Variants in TRIP11 observed in about 807,000 individuals in gnomAD.
TRIP11 encodes the protein thyroid receptor-interacting protein 11.
Under a neutral mutation model 223.1 loss-of-function variants are expected in TRIP11, and 148 were observed. The ratio of observed to expected loss-of-function variants is 0.66; its 90% CI spans 0.58 to 0.76. The LOEUF (loss-of-function observed/expected upper bound fraction) is 0.76, where lower values mean the gene tolerates loss of function less well. Ranked by LOEUF, TRIP11 falls within the 30% of genes least tolerant of loss-of-function variation. The pLI is 0.00. For synonymous variants in TRIP11, 762 were observed against 772.6 expected (o/e 0.99, Z 0.23); for missense variants, 2,043 against 2,222.0 (o/e 0.92, Z 1.62).
intron 2 of TRIP11, 148 bp downstream of exon 2, chr14:92,033,044 G>A (rs1290949335): frequency 1.7e-5 from 11 of 644,172 alleles, no homozygotes; most frequent in Non-Finnish European, 3.0e-5. Context: ...ACAGAAGGTT[G>A]ATAAAAGCTC....
chr14:92,020,588 A>T (rs893144287), intron 4 of TRIP11, among the ~76,000 whole-genome samples: 8 of 151,934 alleles, frequency 5.3e-5, no homozygotes, highest in African/African-American at 1.9e-4. Flanking sequence ...ACACCAGAGG[A>T]GTCTCAGGGA....
intron 15 of TRIP11, among the ~76,000 whole-genome samples, chr14:91,989,038 CTA>C (rs1159091779): frequency 1.3e-5 from 2 of 152,180 alleles, no homozygotes; most frequent in African/African-American, 4.8e-5. Context: ...ATTTTAAATA[CTA>C]TATAGTCAAA....
chr14:92,025,542 C>T (rs1025639874), intron 2 of TRIP11, 122 bp from the exon 3 acceptor site: 4 of 697,260 alleles, frequency 5.7e-6, no homozygotes, highest in African/African-American at 3.8e-5. Context: ...TAAAAGGTCT[C>T]GGACAGAATT....
Position 92,004,518 on chromosome 14 carries a change from T to G in TRIP11, c.3458A>C (p.Asp1153Ala), listed in dbSNP as rs1267110060. 2 of 1,613,326 alleles carry G rather than the reference T, an allele frequency of 1.2e-6. No homozygotes were observed. Among genetic ancestry groups the G allele is most frequent in the East Asian group, 2.2e-5 (1 of 44,876 alleles). ...ATTCTGAATAGTTTCTCTAAACATA[T>G]CTTGGCCACTACTTTCAAATCTAGT... ...LSTRFESSGQ[D>A]MFRETIQNLS... is the part of the protein sequence containing the mutation. The change falls in exon 11 of 21, where the codon GAT becomes GCT. Residue 1153 changes from aspartate to alanine, a missense_variant. By Grantham distance (126) the Asp-to-Ala change is moderately radical. Transcript: ENST00000267622.
At chr14:92,014,121 T>C in intron 7 of TRIP11, 94 bp downstream of exon 7, 3 of 1,531,990 alleles carry the variant, frequency 2.0e-6, no homozygotes, top group Non-Finnish European at 2.7e-6. Flanking sequence ...ATATGCCATT[T>C]CCACTAAGTA....
chr14:92,005,214 T>C lies in TRIP11; in HGVS notation c.2762A>G (p.Asp921Gly). ...TAGTTGCATCTTACTCTGGTTTTGATCTTCAATTATCTTTTGATGATGTTT... is the reference window on the plus strand; with the variant it reads ...TAGTTGCATCTTACTCTGGTTTTGACCTTCAATTATCTTTTGATGATGTTT... ...EIKHHQKIIE[D>G]QNQSKMQLLQ... The change falls in exon 11 of 21, where the codon GAT becomes GGT. Residue 921 changes from aspartate to glycine, a missense_variant. Asp to Gly is a moderately conservative substitution (Grantham distance 94). Coordinates refer to ENST00000267622, the MANE Select transcript of TRIP11 (RefSeq NM_004239.4). 6.2e-7 allele frequency: 1 copy of C among 1,614,192 alleles called. No individual in the cohort carries two copies. The highest frequency in any genetic ancestry group is 8.5e-7 in the Non-Finnish European group (1 of 1,180,044).
chr14:91,972,791 G>A lies in TRIP11; in HGVS notation c.5645C>T (p.Ser1882Phe). The A allele has an allele frequency of 1.2e-6, 2 of 1,613,312 alleles. No individual in the cohort carries two copies. Among genetic ancestry groups the A allele is most frequent in the Non-Finnish European group, 1.7e-6 (2 of 1,179,716 alleles). ...ATCCAGAGGTTTCATATCATGAACA[G>A]AAAGCTTTGGTGGTGGAATGGATGG... Reference protein sequence around the residue: ...SHPSIPPPKLSVHDMKPLDSP... With the variant: ...SHPSIPPPKLFVHDMKPLDSP... The change falls in exon 20 of 21, where the codon TCT (serine) becomes TTT (phenylalanine). Residue 1882 changes from serine (S) to phenylalanine (F), a missense_variant. By Grantham distance (155) the Ser-to-Phe change is radical (BLOSUM62 -2). Coordinates refer to ENST00000267622, the MANE Select transcript of TRIP11 (RefSeq NM_004239.4).
At chr14:92,020,198 G>A (rs908855223) in intron 4 of TRIP11, among the ~76,000 whole-genome samples, 1 of 151,896 alleles carries the variant, frequency 6.6e-6, no homozygotes, top group Non-Finnish European at 1.5e-5. Context: ...GTTGCAGTGA[G>A]CTGAGATGGT....
intron 19 of TRIP11, 30 bp from the exon 20 acceptor site, chr14:91,972,891 C>T (rs2056416792): frequency 1.3e-6 from 2 of 1,568,694 alleles, no homozygotes; most frequent in East Asian, 2.2e-5. Flanking sequence ...TTATATTAGG[C>T]TAGATAATTA....
At chr14:92,030,862 T>C (rs910545846) in intron 2 of TRIP11, 61 of 152,032 alleles carry the variant, frequency 4.0e-4, no homozygotes, top group African/African-American at 1.3e-3. Flanking sequence ...AGAATAAACA[T>C]GCTTTTGAAA....
At position 92,013,525 on chromosome 14, in the gene TRIP11, G is replaced by C. The variant is rs376901871; in HGVS notation, c.1186+690C>G. On this transcript the variant is annotated intron_variant, in intron 7 of 20. Coordinates refer to ENST00000267622, the MANE Select transcript of TRIP11 (RefSeq NM_004239.4). ...TACGCTATTCTGCTCCATTCAGAGAGCTGCCATAGTTAACATAGGCAAAAA... is the reference window on the plus strand; with the variant it reads ...TACGCTATTCTGCTCCATTCAGAGACCTGCCATAGTTAACATAGGCAAAAA... 4.7e-3 allele frequency among the ~76,000 whole-genome samples: 716 copies of C among 152,272 alleles called. 6 individuals carry two copies. Among genetic ancestry groups the C allele is most frequent in the African/African-American group, 0.016 (678 of 41,552 alleles).
At chr14:92,025,489 T>G in intron 2 of TRIP11, 69 bp from the exon 3 acceptor site, 1 of 1,140,352 alleles carries the variant, frequency 8.8e-7, no homozygotes, top group Non-Finnish European at 1.3e-6. Context: ...GTGCACAGCA[T>G]TATGAAAAAC....
chr14:92,007,922 T>C, intron 9 of TRIP11, 70 bp from the exon 10 acceptor site: 1 of 1,262,812 alleles, frequency 7.9e-7, no homozygotes, highest in Non-Finnish European at 1.1e-6. Context: ...AAAACATACA[T>C]AGAAGCAAAA....
chr14:92,017,368 C>G (rs189068273), intron 5 of TRIP11, among the ~76,000 whole-genome samples: 5 of 152,124 alleles, frequency 3.3e-5, no homozygotes, highest in Admixed American at 3.3e-4. Flanking sequence ...ATTAGCAAAC[C>G]CCATCTATAC....
chr14:91,973,212 G>A (rs911987152), intron 19 of TRIP11, among the ~76,000 whole-genome samples: 1 of 152,098 alleles, frequency 6.6e-6, no homozygotes, highest in African/African-American at 2.4e-5. Context: ...TTTTAGCAGA[G>A]ACGGGGTTTC....
rs780146109 is a variant in TRIP11 at position 91,999,427 on chromosome 14, G to A, written c.4705C>T (p.Arg1569Cys). The A allele has an allele frequency of 8.1e-6, 13 of 1,613,482 alleles. No individual in the cohort carries two copies. Among genetic ancestry groups the A allele is most frequent in the African/African-American group, 4.0e-5 (3 of 74,894 alleles). Reference protein sequence around the residue: ...ENTALQNEVQRLRDKEFRSNQ... With the variant: ...ENTALQNEVQCLRDKEFRSNQ... ...GAACGAAATTCTTTGTCACGTAAAC[G>A]TTGAACCTAGGTAGAGGACATTATT... Residue 1569 changes from arginine to cysteine, a missense_variant, in exon 13 of 21, where the codon CGT (arginine) becomes TGT (cysteine). Physicochemically the swap from Arg to Cys is radical, Grantham distance 180. Coordinates refer to ENST00000267622, the MANE Select transcript of TRIP11 (RefSeq NM_004239.4).
intron 7 of TRIP11, among the ~76,000 whole-genome samples, chr14:92,013,648 TG>T (rs1442473290): frequency 6.7e-6 from 1 of 148,330 alleles, no homozygotes; most frequent in African/African-American, 2.6e-5. Flanking sequence ...TAAACTCATC[TG>T]GATCACCCAA....
At chr14:91,987,902 C>T (rs2056622401) in intron 16 of TRIP11, among the ~76,000 whole-genome samples, 1 of 152,216 alleles carries the variant, frequency 6.6e-6, no homozygotes, top group Non-Finnish European at 1.5e-5. Flanking sequence ...CAGAAAGTTG[C>T]TCTTTTATTT....
intron 2 of TRIP11, among the ~76,000 whole-genome samples, chr14:92,032,276 T>G (rs1240831028): frequency 6.6e-6 from 1 of 151,998 alleles, no homozygotes; most frequent in Non-Finnish European, 1.5e-5. Context: ...GCCTCCTGAG[T>G]AGCTGGGATT....
Sources: gnomAD v4.1 joint callset for allele counts (sites outside exome capture counted in the v4.1 genomes callset) on GRCh38, gnomAD v4.1.1 for gene constraint, MANE v1.5 for transcripts, NCBI Gene and HGNC (gene_info 2026-07-23, HGNC 2026-07-21) for gene names.